CLVS1: variants seen among roughly 807,000 people sequenced by gnomAD.
CLVS1 encodes the protein clavesin-1.
Under a neutral mutation model 33.1 loss-of-function variants are expected in CLVS1, and 10 were observed. That is an observed-to-expected ratio of 0.30 (90% confidence interval 0.19 to 0.51). The LOEUF (loss-of-function observed/expected upper bound fraction) is 0.51, where lower values mean the gene tolerates loss of function less well. Among genes scored for constraint, CLVS1 ranks in the 20% least tolerant of loss-of-function variants. The probability of loss-of-function intolerance (pLI) is 0.97; values close to 1 mark genes in which losing one functional copy is unlikely to be tolerated. For synonymous variants in CLVS1, 163 were observed against 166.1 expected (o/e 0.98, Z 0.14); for missense variants, 343 against 433.4 (o/e 0.79, Z 1.85).
At chr8:61,394,992 G>C (rs1316377641) in intron 3 of CLVS1, among the ~76,000 whole-genome samples, 1 of 152,188 alleles carries the variant, frequency 6.6e-6, no homozygotes, top group Non-Finnish European at 1.5e-5. Flanking sequence ...TTTGAGAAAT[G>C]TCTGTCCAAA....
chr8:61,459,186 G>C (rs550552114), intron 5 of CLVS1, among the ~76,000 whole-genome samples: 2 of 152,190 alleles, frequency 1.3e-5, no homozygotes, highest in South Asian at 4.1e-4. Flanking sequence ...GGCGTGCAAG[G>C]GTGGGAGATG....
At chr8:61,092,438 C>T (rs1450227600) in intron 1 of CLVS1, among the ~76,000 whole-genome samples, 3 of 152,344 alleles carry the variant, frequency 2.0e-5, no homozygotes, top group South Asian at 2.1e-4. Flanking sequence ...TCACCATAAA[C>T]GCAGTGGCTT....
At chr8:61,091,012 C>T (rs1019986215) in intron 1 of CLVS1, 9 of 467,400 alleles carry the variant, frequency 1.9e-5, no homozygotes, top group Admixed American at 2.4e-5. Flanking sequence ...ACATTTGCAC[C>T]CTAATCCCCA....
At chr8:61,191,356 G>C (rs1246813388) in intron 2 of CLVS1, among the ~76,000 whole-genome samples, 1 of 152,090 alleles carries the variant, frequency 6.6e-6, no homozygotes, top group Non-Finnish European at 1.5e-5. Context: ...CAATAAATTA[G>C]GCATTGATGG....
chr8:61,499,256 G>A (rs1804445279), intron 5 of CLVS1, among the ~76,000 whole-genome samples, 199 bp from the exon 6 acceptor site: 1 of 152,110 alleles, frequency 6.6e-6, no homozygotes, highest in South Asian at 2.1e-4. Context: ...GCTCACTGCA[G>A]CCTCAAACTC....
chr8:61,095,848 G>C lies in CLVS1; in HGVS notation c.-242-35922G>C, dbSNP rs143214709. 2.0e-5 allele frequency among the ~76,000 whole-genome samples: 3 copies of C among 152,230 alleles called. No individual in the cohort carries two copies. The East Asian group carries it at 5.8e-4, about 29-fold the overall frequency. On this transcript the variant is annotated intron_variant, in intron 1 of 2. Transcript: ENST00000522621. Reference sequence around the variant, plus strand: ...TTCATGAAAAAGCAACATCAGCCCAGTTTCCTGATTTCAGCTGCAGATACA... The same window carrying C: ...TTCATGAAAAAGCAACATCAGCCCACTTTCCTGATTTCAGCTGCAGATACA...
intron 2 of CLVS1, among the ~76,000 whole-genome samples, chr8:61,166,034 T>TTTTTTTTG (rs774537426): frequency 0.17 from 24,565 of 146,922 alleles, 3,246 homozygotes; most frequent in Admixed American, 0.24. Context: ...TCTAAGCGTT[T>TTTTTTTTG]TTTTTTTTTT....
intron 2 of CLVS1, among the ~76,000 whole-genome samples, chr8:61,232,363 T>C (rs557863076): frequency 6.6e-6 from 1 of 152,176 alleles, no homozygotes; most frequent in South Asian, 2.1e-4. Context: ...AGTGTTAAGG[T>C]ACAGTTTGCA....
chr8:61,433,102 T>A (rs7819584), intron 3 of CLVS1, among the ~76,000 whole-genome samples: 1 of 152,080 alleles, frequency 6.6e-6, no homozygotes, highest in Non-Finnish European at 1.5e-5. Flanking sequence ...TATAGGCACA[T>A]GCCACCACAC....
At chr8:61,223,467 G>C (rs2129310260) in intron 2 of CLVS1, among the ~76,000 whole-genome samples, 1 of 152,252 alleles carries the variant, frequency 6.6e-6, no homozygotes, top group East Asian at 1.9e-4. Context: ...GAACTTCTAG[G>C]TTGAAAATTA....
At chr8:61,101,251 T>G (rs2129286511) in intron 1 of CLVS1, among the ~76,000 whole-genome samples, 1 of 152,304 alleles carries the variant, frequency 6.6e-6, no homozygotes, top group Middle Eastern at 3.4e-3. Context: ...CGCCAATACT[T>G]TTTGATTCTA....
chr8:61,136,609 C>A (rs1208408744), intron 2 of CLVS1, among the ~76,000 whole-genome samples: 1 of 152,156 alleles, frequency 6.6e-6, no homozygotes, highest in Non-Finnish European at 1.5e-5. Context: ...CACATGTTCT[C>A]ACTTACATGT....
intron 1 of CLVS1, 177 bp downstream of exon 1, chr8:61,288,315 T>C (rs989548574): frequency 4.4e-6 from 2 of 453,866 alleles, no homozygotes; most frequent in Non-Finnish European, 4.4e-6. Context: ...GCCTCCGCGG[T>C]CCATCCTCCT....
chr8:61,257,928 C>T (rs936730490), intron 2 of CLVS1, among the ~76,000 whole-genome samples: 1 of 151,948 alleles, frequency 6.6e-6, no homozygotes, highest in Non-Finnish European at 1.5e-5. Flanking sequence ...GTATTGGTGG[C>T]TATTAATGTC....
At position 61,398,492 on chromosome 8, in the gene CLVS1, A is replaced by C. The variant is rs565723887; in HGVS notation, c.630+21713A>C. Among the ~76,000 whole-genome samples the C allele has an allele frequency of 7.2e-5, 11 of 152,052 alleles. No homozygotes were observed. The South Asian group carries it at 1.9e-3, about 26-fold the overall frequency. ...CCACCATGCCCAGCCTAAGTCTTGC[A>C]TTTCTTTTGTTAAATTTATTTGTAG... On this transcript the variant is annotated intron_variant, in intron 3 of 5. Transcript: ENST00000325897.
intron 2 of CLVS1, among the ~76,000 whole-genome samples, chr8:61,174,538 T>C (rs1377390562): frequency 1.3e-5 from 2 of 152,190 alleles, no homozygotes; most frequent in Non-Finnish European, 2.9e-5. Flanking sequence ...AAGTTAAAAA[T>C]ACACTGTGTG....
At chr8:60,988,133 T>C in the CLVS1 span, among the ~76,000 whole-genome samples, 1 of 151,844 alleles carries the variant, frequency 6.6e-6, no homozygotes, top group Non-Finnish European at 1.5e-5. Context: ...GGATGCAGAG[T>C]GAGCAGAGAA....
chr8:61,065,138 G>T (rs1356581321), intron 1 of CLVS1, among the ~76,000 whole-genome samples: 2 of 152,238 alleles, frequency 1.3e-5, no homozygotes, highest in African/African-American at 2.4e-5. Flanking sequence ...AAAATCCACA[G>T]ATGCTCAAGT....
At chr8:61,329,519 A>G (rs1206941578) in intron 2 of CLVS1, among the ~76,000 whole-genome samples, 1 of 152,184 alleles carries the variant, frequency 6.6e-6, no homozygotes. Flanking sequence ...TAATAATTCA[A>G]ATCTTCCTAG....
Sources: allele counts gnomAD v4.1 joint callset (sites outside exome capture counted in the v4.1 genomes callset), GRCh38; gene constraint gnomAD v4.1.1; transcripts MANE v1.5; gene names NCBI Gene and HGNC (gene_info 2026-07-23, HGNC 2026-07-21).